Variants in FYTTD1 observed in about 807,000 individuals in gnomAD.
The protein encoded by FYTTD1 is forty-two-three domain containing 1.
In FYTTD1, 22 loss-of-function variants were observed where a neutral mutation model predicts 40.9. The observed-to-expected ratio is 0.54, with a 90% CI of 0.38 to 0.77. The LOEUF (loss-of-function observed/expected upper bound fraction) is 0.77. Among genes scored for constraint, FYTTD1 ranks in the 30% least tolerant of loss-of-function variants. The pLI is 0.00. For synonymous variants in FYTTD1, 140 were observed against 137.9 expected (o/e 1.01, Z -0.10); for missense variants, 351 against 392.2 (o/e 0.90, Z 0.89).
intron 3 of FYTTD1, 48 bp from the exon 4 acceptor site, chr3:197,770,084 A>G (rs1429786309): frequency 9.7e-7 from 1 of 1,034,948 alleles, no homozygotes; most frequent in Non-Finnish European, 1.5e-6. Flanking sequence ...GTAGTAGAGT[A>G]TATAGAAAAA....
At chr3:197,750,370 C>CTCT in intron 1 of FYTTD1, 1 of 1,113,442 alleles carries the variant, frequency 9.0e-7, no homozygotes, top group Non-Finnish European at 1.1e-6. Context: ...CGGGGGGCGT[C>CTCT]TCTTCTCCCC....
intron 4 of FYTTD1, among the ~76,000 whole-genome samples, chr3:197,771,499 G>A (rs532613032): frequency 3.9e-5 from 6 of 152,218 alleles, no homozygotes; most frequent in East Asian, 3.9e-4. Context: ...AAATTAGGCC[G>A]GGTGCGGTGG....
chr3:197,764,228 T>C (rs868069358), intron 2 of FYTTD1, among the ~76,000 whole-genome samples: 1 of 152,208 alleles, frequency 6.6e-6, no homozygotes, highest in Non-Finnish European at 1.5e-5. Context: ...CTTTTTAGAA[T>C]GTAAGACAGT....
chr3:197,779,389 G>A (rs986772473), intron 8 of FYTTD1, among the ~76,000 whole-genome samples: 2 of 151,680 alleles, frequency 1.3e-5, no homozygotes, highest in African/African-American at 4.8e-5. Context: ...ACTCCAGCCT[G>A]GGCAACAGAG....
At chr3:197,750,342 C>G in intron 1 of FYTTD1, 4 of 1,141,222 alleles carry the variant, frequency 3.5e-6, no homozygotes, top group Non-Finnish European at 2.2e-6. Flanking sequence ...GCTGCGGGCC[C>G]GAAGGTTCGC....
At position 197,783,475 on chromosome 3, in the gene FYTTD1, C is replaced by A. The variant is rs559221198; in HGVS notation, c.*1566C>A. The A allele has an allele frequency of 6.6e-6, 1 of 152,642 alleles. No individual in the cohort carries two copies. The highest frequency in any genetic ancestry group is 1.9e-4 in the East Asian group (1 of 5,184). 9.5% of individuals were successfully genotyped at this position (152,642 alleles called of 1,614,324 possible). A position where few individuals can be genotyped will look rare whatever the true frequency, so the allele number is the denominator to read the frequency against. Reference sequence around the variant, plus strand: ...TATCAGTAACAGTTTCATGCTTATACCAAAGAATTAAATCTGATCTTTAAT... The same window carrying A: ...TATCAGTAACAGTTTCATGCTTATAACAAAGAATTAAATCTGATCTTTAAT... On this transcript the variant is annotated 3_prime_UTR_variant, in exon 9 of 9. Coordinates refer to ENST00000241502, the MANE Select transcript of FYTTD1 (RefSeq NM_032288.7).
rs990284170 is a variant in FYTTD1 at position 197,782,900 on chromosome 3, A to G, written c.*991A>G. The G allele has an allele frequency of 1.3e-5, 2 of 152,654 alleles. No homozygotes were observed. Among genetic ancestry groups the G allele is most frequent in the African/African-American group, 4.8e-5 (2 of 41,454 alleles). The allele number at this position is 152,654 out of a possible 1,614,324, so 9.5% of individuals were successfully genotyped here. A position where few individuals can be genotyped will look rare whatever the true frequency, so the allele number is the denominator to read the frequency against. ...TTGAAGTTAAAATTTCTTATTTGAA[A>G]AGTTGAAATTTATGAGCTTTGAAGA... is the stretch of plus-strand genomic sequence containing the variant. On this transcript the variant is annotated 3_prime_UTR_variant, in exon 9 of 9. Transcript: ENST00000241502.
At position 197,750,085 on chromosome 3, in the gene FYTTD1, G is replaced by T; in HGVS notation, c.103+11G>T. On this transcript the variant is annotated intron_variant, in intron 1 of 8. Transcript: ENST00000241502. ...TAGATATGTCTTTGGGTGAGGGGCC[G>T]AGTTGGACCGAGTTGGAGTGCGGGG... is the stretch of plus-strand genomic sequence containing the variant. The T allele has an allele frequency of 6.5e-7, 1 of 1,543,980 alleles. No homozygotes were observed. Among genetic ancestry groups the T allele is most frequent in the Non-Finnish European group, 8.8e-7 (1 of 1,141,016 alleles).
At chr3:197,776,689 T>C (rs1011580476) in intron 6 of FYTTD1, among the ~76,000 whole-genome samples, 1 of 152,118 alleles carries the variant, frequency 6.6e-6, no homozygotes, top group Admixed American at 6.5e-5. Context: ...TTTTGTACTA[T>C]TTGATTTTTT....
intron 1 of FYTTD1, among the ~76,000 whole-genome samples, chr3:197,754,590 T>C (rs985160222): frequency 2.0e-5 from 3 of 152,146 alleles, no homozygotes; most frequent in Non-Finnish European, 4.4e-5. Flanking sequence ...TTCTTTGTTT[T>C]ATTTGCTTTC....
intron 1 of FYTTD1, chr3:197,750,881 A>G (rs112293928): frequency 3.2e-4 from 316 of 982,250 alleles, no homozygotes; most frequent in African/African-American, 2.9e-3. Flanking sequence ...TGCCGATTAT[A>G]TAAAAACCGG....
Position 197,782,760 on chromosome 3 carries a change from G to A in FYTTD1, c.*851G>A, listed in dbSNP as rs903315163. ...GATGTAGCATAGTCTTGAGTCTAGCGTCCACAAAGAATTATTCAAATGATA... is the reference window on the plus strand; with the variant it reads ...GATGTAGCATAGTCTTGAGTCTAGCATCCACAAAGAATTATTCAAATGATA... On this transcript the variant is annotated 3_prime_UTR_variant, in exon 9 of 9. Coordinates refer to ENST00000241502, the MANE Select transcript of FYTTD1 (RefSeq NM_032288.7). 1.3e-5 allele frequency: 2 copies of A among 152,068 alleles called. No individual in the cohort carries two copies. Among genetic ancestry groups the A allele is most frequent in the Admixed American group, 6.5e-5 (1 of 15,276 alleles). 9.4% of individuals were successfully genotyped at this position (152,068 alleles called of 1,614,324 possible). A position where few individuals can be genotyped will look rare whatever the true frequency, so the allele number is the denominator to read the frequency against.
Position 197,749,940 on chromosome 3 carries a change from C to A in FYTTD1, c.-32C>A. ...GGCAGGCCTGCGACTCCGGCCTTGTCCGCGCCCGCTCTCGGCGCGACGTCT... is the reference window on the plus strand; with the variant it reads ...GGCAGGCCTGCGACTCCGGCCTTGTACGCGCCCGCTCTCGGCGCGACGTCT... On this transcript the variant is annotated 5_prime_UTR_variant, in exon 1 of 9. Coordinates refer to ENST00000241502, the MANE Select transcript of FYTTD1 (RefSeq NM_032288.7). 6.8e-7 allele frequency: 1 copy of A among 1,478,738 alleles called. No individual in the cohort carries two copies. Among genetic ancestry groups the A allele is most frequent in the South Asian group, 1.2e-5 (1 of 82,188 alleles). 91.6% of individuals were successfully genotyped at this position (1,478,738 alleles called of 1,614,324 possible).
chr3:197,764,111 G>A (rs1729469487), intron 2 of FYTTD1, among the ~76,000 whole-genome samples: 1 of 152,180 alleles, frequency 6.6e-6, no homozygotes, highest in Non-Finnish European at 1.5e-5. Context: ...GGTAGTTGAA[G>A]TACATGGAGA....
chr3:197,757,064 C>T (rs1162120662), intron 2 of FYTTD1, among the ~76,000 whole-genome samples: 1 of 152,190 alleles, frequency 6.6e-6, no homozygotes, highest in Non-Finnish European at 1.5e-5. Context: ...TATGTGGAGA[C>T]TACTGTTACA....
chr3:197,766,278 T>C (rs1407034986), intron 2 of FYTTD1, among the ~76,000 whole-genome samples: 1 of 152,142 alleles, frequency 6.6e-6, no homozygotes, highest in Admixed American at 6.6e-5. Flanking sequence ...TGTGGTTCTA[T>C]TGTGATATTA....
rs963821444 is a variant in FYTTD1, at chr3:197,785,727, G to GA, written c.*3824dup. Reference sequence around the variant, plus strand: ...TTATTTTTACTATAAGGAGATAAGAGAAAAAATAGCTCACTTGGCAGCACA... The same window carrying GA: ...TTATTTTTACTATAAGGAGATAAGAGAAAAAAATAGCTCACTTGGCAGCACA... On this transcript the variant is annotated 3_prime_UTR_variant, in exon 9 of 9. Coordinates refer to ENST00000241502, the MANE Select transcript of FYTTD1 (RefSeq NM_032288.7). 5 of 152,036 alleles carry GA rather than the reference G, an allele frequency of 3.3e-5. No homozygotes were observed. The highest frequency in any genetic ancestry group is 1.2e-4 in the African/African-American group (5 of 41,386). 9.4% of individuals were successfully genotyped at this position (152,036 alleles called of 1,614,324 possible). A position where few individuals can be genotyped will look rare whatever the true frequency, so the allele number is the denominator to read the frequency against.
chr3:197,760,234 T>A (rs1267171016), intron 2 of FYTTD1, among the ~76,000 whole-genome samples: 55 of 151,304 alleles, frequency 3.6e-4, no homozygotes, highest in African/African-American at 1.3e-3. Flanking sequence ...GAATTGTTCT[T>A]CAGTGGTAGA....
chr3:197,778,748 A>G (rs1729944374), intron 8 of FYTTD1, among the ~76,000 whole-genome samples: 1 of 152,196 alleles, frequency 6.6e-6, no homozygotes, highest in Non-Finnish European at 1.5e-5. Flanking sequence ...AACAGTGTTC[A>G]TCATATGTAT....
Sources: allele counts gnomAD v4.1 joint callset (sites outside exome capture counted in the v4.1 genomes callset), GRCh38; gene constraint gnomAD v4.1.1; transcripts MANE v1.5; gene names NCBI Gene and HGNC (gene_info 2026-07-23, HGNC 2026-07-21).